The following CNBD1 variants were observed in gnomAD, a reference collection of about 807,000 sequenced individuals.
CNBD1 encodes the protein cyclic nucleotide binding domain containing 1, also known as cyclic nucleotide-binding domain-containing protein 1.
In CNBD1, 71 loss-of-function variants were observed where a neutral mutation model predicts 54.4. The ratio of observed to expected loss-of-function variants is 1.30; its 90% CI spans 1.08 to 1.59. The LOEUF (loss-of-function observed/expected upper bound fraction) is 1.59. Among genes scored for constraint, CNBD1 ranks in the 40% most tolerant of loss-of-function variants. The probability of loss-of-function intolerance (pLI) is 0.00; values close to 1 mark genes in which losing one functional copy is unlikely to be tolerated. For missense variants in CNBD1, 659 were observed against 518.0 expected, an observed-to-expected ratio of 1.27 and a Z score of -2.64; for synonymous variants, 182 against 170.7, an observed-to-expected ratio of 1.07 and a Z score of -0.51.
chr8:86,997,840 G>T (rs1048314089), intron 4 of CNBD1, among the ~76,000 whole-genome samples: 9 of 151,988 alleles, frequency 5.9e-5, no homozygotes, highest in African/African-American at 2.2e-4. Flanking sequence ...ATTTTTCTTG[G>T]TGGAAAGGTT....
intron 2 of CNBD1, among the ~76,000 whole-genome samples, chr8:87,418,337 C>G (rs1045344556): frequency 3.3e-5 from 5 of 151,772 alleles, no homozygotes; most frequent in African/African-American, 9.7e-5. Context: ...AATTTGGACC[C>G]CAATCTTATA....
intron 4 of CNBD1, among the ~76,000 whole-genome samples, chr8:87,136,518 A>G (rs1812230657): frequency 8.2e-6 from 1 of 122,240 alleles, no homozygotes; most frequent in South Asian, 2.2e-4. Context: ...TTATTTTTAT[A>G]TTATATATAA....
Position 87,014,678 on chromosome 8 carries a change from GTATC to G in CNBD1, c.431+74926_431+74929del, listed in dbSNP as rs575758612. Among the ~76,000 whole-genome samples the G allele has an allele frequency of 5.9e-5, 9 of 151,990 alleles. No individual in the cohort carries two copies. The East Asian group carries it at 1.7e-3, about 29-fold the overall frequency. On this transcript the variant is annotated intron_variant, in intron 4 of 10. Transcript: ENST00000518476. ...GATCTAAGGTTATTATTTGATATAA[GTATC>G]TGGGTAATTTGTAATTTAAAAATTA...
intron 4 of CNBD1, among the ~76,000 whole-genome samples, chr8:87,019,962 A>G (rs1269838138): frequency 2.6e-5 from 4 of 152,194 alleles, no homozygotes; most frequent in Non-Finnish European, 4.4e-5. Flanking sequence ...AAAGATCCAA[A>G]TAACCCTTAA....
rs984935679 is a variant in CNBD1 at position 87,228,552 on chromosome 8, C to T, written c.578-8367C>T. ...GGGGGTGCCTCCCAGTTAGGCTGCT[C>T]GGGGGTCAGGGGTCAGGGACCCACT... On this transcript the variant is annotated intron_variant, in intron 5 of 10. Coordinates refer to ENST00000518476, the MANE Select transcript of CNBD1 (RefSeq NM_173538.3). Among the ~76,000 whole-genome samples, 566 of 150,526 alleles carry T rather than the reference C, an allele frequency of 3.8e-3. 13 individuals carry two copies. The highest frequency in any genetic ancestry group is 0.013 in the African/African-American group (506 of 39,900).
chr8:86,998,203 G>T (rs1808917502), intron 4 of CNBD1, among the ~76,000 whole-genome samples: 1 of 147,992 alleles, frequency 6.8e-6, no homozygotes, highest in Non-Finnish European at 1.5e-5. Context: ...TTTTGTGTGT[G>T]TTTCTGTTTT....
intron 10 of CNBD1, among the ~76,000 whole-genome samples, chr8:87,368,618 CA>C (rs1191345962): frequency 6.6e-6 from 1 of 151,768 alleles, no homozygotes; most frequent in African/African-American, 2.4e-5. Context: ...CCCTGGGTGA[CA>C]GAACAAAAAC....
chr8:87,289,903 T>A (rs1808757383), intron 8 of CNBD1, among the ~76,000 whole-genome samples: 1 of 152,176 alleles, frequency 6.6e-6, no homozygotes, highest in South Asian at 2.1e-4. Flanking sequence ...TGCCAGTGAT[T>A]CAAGTACCTG....
intron 4 of CNBD1, among the ~76,000 whole-genome samples, chr8:87,160,323 G>A (rs1426425539): frequency 6.6e-6 from 1 of 151,634 alleles, no homozygotes; most frequent in Non-Finnish European, 1.5e-5. Context: ...AAATAATAAA[G>A]CTTTTATCTG....
At chr8:87,215,362 G>A (rs550705996) in intron 5 of CNBD1, among the ~76,000 whole-genome samples, 8 of 152,134 alleles carry the variant, frequency 5.3e-5, no homozygotes, top group African/African-American at 1.7e-4. Context: ...TAAGGTGGGC[G>A]GATCACGAGG....
At chr8:87,421,047 T>G (rs1031313631) in intron 2 of CNBD1, among the ~76,000 whole-genome samples, 2 of 151,970 alleles carry the variant, frequency 1.3e-5, no homozygotes, top group Non-Finnish European at 2.9e-5. Flanking sequence ...AGATAGCAAC[T>G]GAAAATGCTT....
At chr8:86,924,134 C>A (rs1247451498) in intron 3 of CNBD1, among the ~76,000 whole-genome samples, 1 of 152,074 alleles carries the variant, frequency 6.6e-6, no homozygotes, top group Non-Finnish European at 1.5e-5. Flanking sequence ...AATTAGATGC[C>A]CCATTCATTA....
chr8:87,101,258 A>G (rs1474287674), intron 4 of CNBD1, among the ~76,000 whole-genome samples: 3 of 152,172 alleles, frequency 2.0e-5, no homozygotes, highest in Non-Finnish European at 4.4e-5. Flanking sequence ...TTTATCAGGT[A>G]TTGTTAACAT....
At chr8:87,078,061 C>T (rs73693016) in intron 4 of CNBD1, among the ~76,000 whole-genome samples, 2,945 of 152,190 alleles carry the variant, frequency 0.019, 103 homozygotes, top group African/African-American at 0.066. Context: ...TAAAATTAGA[C>T]CTTCAATGTG....
At chr8:87,270,554 G>A (rs1268220409) in intron 6 of CNBD1, among the ~76,000 whole-genome samples, 2 of 151,944 alleles carry the variant, frequency 1.3e-5, no homozygotes, top group African/African-American at 4.8e-5. Flanking sequence ...AAGCAGTGTG[G>A]TGATTCCTCA....
intron 8 of CNBD1, among the ~76,000 whole-genome samples, chr8:87,321,014 A>C: frequency 6.6e-6 from 1 of 152,138 alleles, no homozygotes. Flanking sequence ...CTCAAACTGC[A>C]TCCATGTTGC....
intron 6 of CNBD1, 162 bp downstream of exon 6, chr8:87,237,274 A>T: frequency 2.3e-6 from 1 of 437,186 alleles, no homozygotes; most frequent in Non-Finnish European, 4.0e-6. Context: ...CTTACATTTG[A>T]TTAAACATTT....
chr8:87,416,411 G>A (rs1284394073), intron 2 of CNBD1, among the ~76,000 whole-genome samples: 1 of 152,016 alleles, frequency 6.6e-6, no homozygotes. Flanking sequence ...GAATGTGAGT[G>A]AGACCAATGA....
chr8:86,944,860 A>C (rs1807429350), intron 4 of CNBD1, among the ~76,000 whole-genome samples: 1 of 152,204 alleles, frequency 6.6e-6, no homozygotes, highest in African/African-American at 2.4e-5. Context: ...GTCTAGGTGA[A>C]AGATGACAGT....
Sources: allele counts gnomAD v4.1 joint callset (sites outside exome capture counted in the v4.1 genomes callset), GRCh38; gene constraint gnomAD v4.1.1; transcripts MANE v1.5; gene names NCBI Gene and HGNC (gene_info 2026-07-23, HGNC 2026-07-21).